The following SKAP1 variants were observed in gnomAD, a reference collection of about 807,000 sequenced individuals.
The protein encoded by SKAP1 is src kinase associated phosphoprotein 1, also known as src kinase-associated phosphoprotein 1.
SKAP1 carries 44 observed loss-of-function variants against 58.5 expected under a neutral mutation model. That is an observed-to-expected ratio of 0.75 (90% CI 0.59 to 0.97). SKAP1 has a LOEUF of 0.97. Among genes scored for constraint, SKAP1 ranks in the 50% least tolerant of loss-of-function variants. The probability of loss-of-function intolerance (pLI) is 0.00; values close to 1 mark genes in which losing one functional copy is unlikely to be tolerated. For missense variants in SKAP1, 390 were observed against 435.2 expected (o/e 0.90, Z 0.92); for synonymous variants, 127 against 149.7 (o/e 0.85, Z 1.11).
chr17:48,245,969 C>T (rs1180897311), intron 4 of SKAP1, among the ~76,000 whole-genome samples: 2 of 151,976 alleles, frequency 1.3e-5, no homozygotes, highest in African/African-American at 2.4e-5. Flanking sequence ...AGCTAGACTC[C>T]GTCTCAAAAC....
At chr17:48,439,640 A>C in the SKAP1 span, among the ~76,000 whole-genome samples, 1 of 152,214 alleles carries the variant, frequency 6.6e-6, no homozygotes, top group African/African-American at 2.4e-5. Context: ...CTTTAGAATA[A>C]GTAGGGATCC....
At chr17:48,320,195 G>A (rs906513382) in intron 4 of SKAP1, among the ~76,000 whole-genome samples, 4 of 152,164 alleles carry the variant, frequency 2.6e-5, no homozygotes, top group Non-Finnish European at 4.4e-5. Flanking sequence ...AAATAACAGA[G>A]TAACAATTCA....
chr17:48,182,528 A>T, intron 7 of SKAP1, 71 bp from the exon 8 acceptor site: 1 of 1,071,302 alleles, frequency 9.3e-7, no homozygotes, highest in Non-Finnish European at 1.4e-6. Flanking sequence ...GGGATGTCCA[A>T]GGGGGAGGAA....
chr17:48,407,572 G>A (rs890998180), intron 1 of SKAP1, among the ~76,000 whole-genome samples: 15 of 152,058 alleles, frequency 9.9e-5, no homozygotes, highest in Non-Finnish European at 2.9e-5. Context: ...AAAATAGCGG[G>A]GAAAGGCCAG....
intron 4 of SKAP1, among the ~76,000 whole-genome samples, chr17:48,218,996 A>G (rs1170336835): frequency 6.6e-6 from 1 of 151,946 alleles, no homozygotes; most frequent in African/African-American, 2.4e-5. Context: ...AGATTAAGAA[A>G]GAGAAATAGA....
chr17:48,398,841 G>A (rs769364218), intron 1 of SKAP1, among the ~76,000 whole-genome samples: 39 of 152,048 alleles, frequency 2.6e-4, no homozygotes, highest in Non-Finnish European at 5.0e-4. Flanking sequence ...CCAACATGGT[G>A]AAACCCCCCG....
chr17:48,321,608 G>C (rs1017587601), intron 4 of SKAP1, among the ~76,000 whole-genome samples: 5 of 152,048 alleles, frequency 3.3e-5, no homozygotes, highest in Admixed American at 2.0e-4. Flanking sequence ...TCGATCTCCT[G>C]ACCTTGTGAT....
At chr17:48,262,774 G>A (rs1463852033) in intron 4 of SKAP1, among the ~76,000 whole-genome samples, 1 of 152,146 alleles carries the variant, frequency 6.6e-6, no homozygotes, top group Non-Finnish European at 1.5e-5. Flanking sequence ...TATTCAGCTT[G>A]TAGATTTTCC....
intron 4 of SKAP1, among the ~76,000 whole-genome samples, chr17:48,292,590 T>C (rs2065912161): frequency 6.6e-6 from 1 of 152,178 alleles, no homozygotes; most frequent in African/African-American, 2.4e-5. Context: ...ATTAAATAAT[T>C]ACCTTATGGG....
chr17:48,425,090 T>C (rs2067842429), intron 1 of SKAP1, among the ~76,000 whole-genome samples: 1 of 151,776 alleles, frequency 6.6e-6, no homozygotes, highest in Non-Finnish European at 1.5e-5. Flanking sequence ...AAACCCTGTC[T>C]CTACTAAAAA....
chr17:48,154,757 G>A (rs1017123759), intron 11 of SKAP1, among the ~76,000 whole-genome samples: 1 of 152,076 alleles, frequency 6.6e-6, no homozygotes, highest in African/African-American at 2.4e-5. Context: ...TAAAAAAAAT[G>A]GGCGTTTAAG....
At chr17:48,272,276 T>C (rs1483818045) in intron 4 of SKAP1, among the ~76,000 whole-genome samples, 1 of 151,714 alleles carries the variant, frequency 6.6e-6, no homozygotes, top group Non-Finnish European at 1.5e-5. Flanking sequence ...GGATTACAGG[T>C]GTGTGCCACC....
chr17:48,138,020 C>T (rs907354901), intron 11 of SKAP1, among the ~76,000 whole-genome samples: 3 of 151,992 alleles, frequency 2.0e-5, no homozygotes, highest in African/African-American at 7.3e-5. Context: ...AGATTCTTTC[C>T]CTAGAACAGG....
intron 4 of SKAP1, among the ~76,000 whole-genome samples, chr17:48,245,001 G>T (rs2065279771): frequency 6.6e-6 from 1 of 152,148 alleles, no homozygotes. Flanking sequence ...TTAGGCCAAA[G>T]GTTAGAGAAA....
At chr17:48,241,161 G>A (rs1384402319) in intron 4 of SKAP1, among the ~76,000 whole-genome samples, 2 of 151,840 alleles carry the variant, frequency 1.3e-5, no homozygotes, top group African/African-American at 4.8e-5. Flanking sequence ...AGTGTGAAAA[G>A]GTTACTTAGT....
intron 4 of SKAP1, among the ~76,000 whole-genome samples, chr17:48,259,859 G>A (rs1040392264): frequency 3.3e-5 from 5 of 152,132 alleles, no homozygotes; most frequent in Admixed American, 1.3e-4. Flanking sequence ...TGAAAAGCCA[G>A]GTGCATGTAA....
At chr17:48,205,084 T>C (rs929650682) in intron 4 of SKAP1, among the ~76,000 whole-genome samples, 4 of 113,026 alleles carry the variant, frequency 3.5e-5, no homozygotes, top group Non-Finnish European at 7.4e-5. Context: ...CTTTCTTTCT[T>C]TCCTTCTCTC....
At chr17:48,180,865 C>G (rs1259181127) in intron 8 of SKAP1, among the ~76,000 whole-genome samples, 1 of 152,204 alleles carries the variant, frequency 6.6e-6, no homozygotes, top group African/African-American at 2.4e-5. Flanking sequence ...CCTTTTGCAA[C>G]TGCACAGTCT....
In SKAP1 at chr17:48,359,638, G is replaced by A. The variant is rs79782992; in HGVS notation, c.178+4151C>T. Among the ~76,000 whole-genome samples, 8 of 152,088 alleles carry A rather than the reference G, an allele frequency of 5.3e-5. No homozygotes were observed. The East Asian group carries it at 1.4e-3, about 26-fold the overall frequency. On this transcript the variant is annotated intron_variant, in intron 3 of 12. Transcript: ENST00000336915. ...GTTTGTGTGTTTGGGACAAGGTCTCGCTCGGTCTCCTATGCTGAAGTGCAG... is the reference window on the plus strand; with the variant it reads ...GTTTGTGTGTTTGGGACAAGGTCTCACTCGGTCTCCTATGCTGAAGTGCAG...
Sources: gnomAD v4.1 joint callset for allele counts (sites outside exome capture counted in the v4.1 genomes callset) on GRCh38, gnomAD v4.1.1 for gene constraint, MANE v1.5 for transcripts, NCBI Gene and HGNC (gene_info 2026-07-23, HGNC 2026-07-21) for gene names.